Variants in MLIP observed in about 807,000 individuals in gnomAD.
MLIP encodes muscular LMNA-interacting protein.
In MLIP, 79 loss-of-function variants were observed where a neutral mutation model predicts 84.8. The observed-to-expected ratio is 0.93, with a 90% CI of 0.78 to 1.12. The LOEUF (loss-of-function observed/expected upper bound fraction) is 1.12. MLIP is among the 50% of genes most tolerant of loss of function. MLIP has a pLI of 0.00. For synonymous variants in MLIP, 504 were observed against 463.0 expected, an observed-to-expected ratio of 1.09 and a Z score of -1.14; for missense variants, 1,257 against 1,160.6, an observed-to-expected ratio of 1.08 and a Z score of -1.21.
Position 54,250,338 on chromosome 6 carries a change from A to G in MLIP, c.2923-6970A>G, listed in dbSNP as rs549392686. Among the ~76,000 whole-genome samples the G allele has an allele frequency of 2.1e-3, 321 of 152,090 alleles. 3 individuals are homozygous for G. Among genetic ancestry groups the G allele is most frequent in the Middle Eastern group, 0.01 (3 of 294 alleles). ...GACCTAGAGACACAAATATCTTTTG[A>G]CCCAGTAACCTTATTACTGGGTATT... On this transcript the variant is annotated intron_variant, in intron 12 of 13. Transcript: ENST00000502396.
At chr6:54,252,366 C>A (rs1390392130) in intron 12 of MLIP, among the ~76,000 whole-genome samples, 4 of 98,560 alleles carry the variant, frequency 4.1e-5, no homozygotes, top group African/African-American at 2.1e-4. Context: ...ATACCATATA[C>A]TATATAACTA....
intron 1 of MLIP, among the ~76,000 whole-genome samples, chr6:54,050,248 G>A (rs568883807): frequency 4.0e-5 from 6 of 151,834 alleles, no homozygotes; most frequent in Non-Finnish European, 7.4e-5. Context: ...TGTAATAAAG[G>A]CTTAAAGCAC....
chr6:54,086,040 CG>C lies in MLIP; in HGVS notation c.64-35406del, dbSNP rs372481240. On this transcript the variant is annotated intron_variant, in intron 1 of 12. Transcript: ENST00000274897. ...ATTTCCACTGCTCAGATTTATGTGT[CG>C]TATGTCCTGGAATAACTGAACTATT... Among the ~76,000 whole-genome samples, 21 of 152,218 alleles carry C rather than the reference CG, an allele frequency of 1.4e-4. No individual in the cohort carries two copies. The East Asian group carries it at 4.1e-3, about 29-fold the overall frequency.
chr6:54,144,588 T>C (rs1172852284), intron 4 of MLIP, among the ~76,000 whole-genome samples: 1 of 152,188 alleles, frequency 6.6e-6, no homozygotes, highest in Non-Finnish European at 1.5e-5. Context: ...TGCACTCCTA[T>C]GAGAATCTAA....
chr6:54,152,480 T>C (rs533248436), intron 5 of MLIP, among the ~76,000 whole-genome samples: 2 of 151,968 alleles, frequency 1.3e-5, no homozygotes, highest in South Asian at 4.2e-4. Flanking sequence ...TAAGAGAAAA[T>C]GAGGAAGAAG....
At chr6:54,058,351 G>A (rs1307997551) in intron 1 of MLIP, among the ~76,000 whole-genome samples, 1 of 152,190 alleles carries the variant, frequency 6.6e-6, no homozygotes, top group African/African-American at 2.4e-5. Flanking sequence ...GACATTGCAT[G>A]TGGTTGTGCA....
At chr6:54,200,396 C>T (rs1778589565) in intron 10 of MLIP, among the ~76,000 whole-genome samples, 1 of 149,418 alleles carries the variant, frequency 6.7e-6, no homozygotes, top group East Asian at 2.0e-4. Context: ...TAGCCCGAGT[C>T]CTGGAGTTGC....
chr6:54,216,638 AG>A (rs1779872503), intron 11 of MLIP: 3 of 972,656 alleles, frequency 3.1e-6, no homozygotes, highest in African/African-American at 1.8e-5. Context: ...CAAATAGCTA[AG>A]CATATGCTAA....
At chr6:54,044,386 T>C (rs1294373379) in intron 1 of MLIP, among the ~76,000 whole-genome samples, 2 of 152,244 alleles carry the variant, frequency 1.3e-5, no homozygotes, top group Non-Finnish European at 2.9e-5. Flanking sequence ...GGCACCACAT[T>C]CTTTTCCTGT....
chr6:54,201,674 T>A (rs182209995), intron 10 of MLIP, among the ~76,000 whole-genome samples: 13 of 152,274 alleles, frequency 8.5e-5, no homozygotes, highest in Admixed American at 8.5e-4. Context: ...GCTTTGTAGA[T>A]TTTGGGGCAT....
chr6:54,260,016 A>T (rs1442116256), intron 13 of MLIP, among the ~76,000 whole-genome samples: 1 of 152,016 alleles, frequency 6.6e-6, no homozygotes, highest in Middle Eastern at 3.4e-3. Flanking sequence ...CAGTGCAAAT[A>T]AAAAATTATG....
At chr6:54,025,004 AT>A (rs79753738) in intron 1 of MLIP, among the ~76,000 whole-genome samples, 6,273 of 139,936 alleles carry the variant, frequency 0.045, 400 homozygotes, top group African/African-American at 0.15. Flanking sequence ...TGCCCAGCTA[AT>A]TTTTTTTTTT....
intron 12 of MLIP, among the ~76,000 whole-genome samples, chr6:54,233,579 TG>T (rs1781160326): frequency 6.6e-6 from 1 of 152,220 alleles, no homozygotes. Context: ...AGTCTATCAT[TG>T]ATGGGCATTT....
chr6:54,063,839 A>G (rs1341100459), intron 1 of MLIP, among the ~76,000 whole-genome samples: 2 of 152,064 alleles, frequency 1.3e-5, no homozygotes, highest in Non-Finnish European at 2.9e-5. Context: ...TAGAGAATTC[A>G]TTGTGTGCTT....
At chr6:54,185,608 A>G (rs1055914673) in intron 9 of MLIP, among the ~76,000 whole-genome samples, 1 of 152,234 alleles carries the variant, frequency 6.6e-6, no homozygotes, top group African/African-American at 2.4e-5. Flanking sequence ...TTAGTAATAC[A>G]AATTGTAAAG....
intron 1 of MLIP, among the ~76,000 whole-genome samples, chr6:54,056,627 A>G (rs1031989596): frequency 6.6e-6 from 1 of 152,150 alleles, no homozygotes; most frequent in Non-Finnish European, 1.5e-5. Flanking sequence ...AAAATCCCCA[A>G]TCTTCTATAT....
Position 54,136,729 on chromosome 6 carries a change from C to T in MLIP, c.660C>T (p.Pro220=). The T allele has an allele frequency of 2.0e-6, 3 of 1,491,068 alleles. No individual in the cohort carries two copies. The highest frequency in any genetic ancestry group is 2.7e-6 in the Non-Finnish European group (3 of 1,117,854). The allele number at this position is 1,491,068 out of a possible 1,614,324, so 92.4% of individuals were successfully genotyped here. ...CTTTCCTCTAGTTAACTTCTTCTCC[C>T]ACTACCTCTGAGCAGCTTGCCTGTA... is the stretch of plus-strand genomic sequence containing the variant. ...QQKHGQLTSS[P]TTSEQLACKP... Residue 220 remains proline, a synonymous_variant, in exon 4 of 14, where the codon CCC becomes CCT. Transcript: ENST00000502396.
intron 1 of MLIP, among the ~76,000 whole-genome samples, chr6:54,104,346 T>A (rs1768861758): frequency 6.6e-6 from 1 of 152,178 alleles, no homozygotes; most frequent in Non-Finnish European, 1.5e-5. Flanking sequence ...ATGTCATGTG[T>A]TAGAATTTGT....
intron 1 of MLIP, among the ~76,000 whole-genome samples, chr6:54,119,657 T>C (rs558789844): frequency 2.6e-5 from 4 of 152,262 alleles, no homozygotes; most frequent in Non-Finnish European, 4.4e-5. Flanking sequence ...TGACAATATA[T>C]TGTATTCTTG....
Sources: gnomAD v4.1 joint callset for allele counts (sites outside exome capture counted in the v4.1 genomes callset) on GRCh38, gnomAD v4.1.1 for gene constraint, MANE v1.5 for transcripts, NCBI Gene and HGNC (gene_info 2026-07-23, HGNC 2026-07-21) for gene names.